Variants in CNTNAP2 observed in about 807,000 individuals in gnomAD.
CNTNAP2 encodes the protein contactin associated protein 2.
Under a neutral mutation model 155.2 loss-of-function variants are expected in CNTNAP2, and 98 were observed. The ratio of observed to expected loss-of-function variants is 0.63; its 90% CI spans 0.54 to 0.75. The LOEUF (loss-of-function observed/expected upper bound fraction) is 0.75. Ranked by LOEUF, CNTNAP2 falls within the 30% of genes least tolerant of loss-of-function variation. CNTNAP2 has a pLI of 0.00. For missense variants in CNTNAP2, 1,727 were observed against 1,688.1 expected (o/e 1.02, Z -0.40); for synonymous variants, 651 against 631.2 (o/e 1.03, Z -0.47).
At chr7:148,394,758 A>T (rs186320686) in intron 22 of CNTNAP2, among the ~76,000 whole-genome samples, 2 of 152,372 alleles carry the variant, frequency 1.3e-5, no homozygotes, top group East Asian at 1.9e-4. Flanking sequence ...TGCATTTCCA[A>T]CAAGCTCCCA....
intron 1 of CNTNAP2, among the ~76,000 whole-genome samples, chr7:146,507,655 A>G (rs1262753314): frequency 2.0e-5 from 3 of 152,152 alleles, no homozygotes; most frequent in Non-Finnish European, 4.4e-5. Flanking sequence ...ATAACTCCCA[A>G]AACTTTGGCA....
chr7:146,940,359 G>C (rs1469528951), intron 3 of CNTNAP2, among the ~76,000 whole-genome samples: 2 of 152,004 alleles, frequency 1.3e-5, no homozygotes, highest in Admixed American at 6.6e-5. Flanking sequence ...ACCACGTCCA[G>C]CTAATTTTTT....
chr7:148,137,729 G>GAAGC (rs1554476321), intron 16 of CNTNAP2, among the ~76,000 whole-genome samples: 12 of 139,502 alleles, frequency 8.6e-5, no homozygotes, highest in African/African-American at 3.0e-4. Context: ...AGGAAGGAAG[G>GAAGC]AAGGAAGGTT....
chr7:148,025,854 A>G (rs1247072744), intron 15 of CNTNAP2, among the ~76,000 whole-genome samples: 1 of 152,218 alleles, frequency 6.6e-6, no homozygotes, highest in Non-Finnish European at 1.5e-5. Context: ...CCTTTTCATA[A>G]AGAGATGTTT....
intron 13 of CNTNAP2, among the ~76,000 whole-genome samples, chr7:147,789,973 G>C (rs1051330085): frequency 6.6e-6 from 1 of 152,186 alleles, no homozygotes; most frequent in African/African-American, 2.4e-5. Flanking sequence ...CTTGCAGAAA[G>C]CCTATTGTGG....
chr7:147,041,382 T>C (rs1584799661), intron 3 of CNTNAP2, among the ~76,000 whole-genome samples: 1 of 152,192 alleles, frequency 6.6e-6, no homozygotes, highest in East Asian at 1.9e-4. Flanking sequence ...AAGTATTTTT[T>C]TTAAGTCCTA....
chr7:146,917,042 A>C (rs554701902), intron 3 of CNTNAP2, among the ~76,000 whole-genome samples: 1 of 152,242 alleles, frequency 6.6e-6, no homozygotes, highest in African/African-American at 2.4e-5. Context: ...AGTTCAAAGA[A>C]ATTTTTAATT....
intron 10 of CNTNAP2, among the ~76,000 whole-genome samples, chr7:147,455,476 A>G (rs941617478): frequency 6.6e-6 from 1 of 152,092 alleles, no homozygotes; most frequent in Admixed American, 6.6e-5. Flanking sequence ...ACCTCATACA[A>G]TTTCCATTCT....
chr7:146,283,022 A>G (rs1322873123), intron 1 of CNTNAP2, among the ~76,000 whole-genome samples: 1 of 152,242 alleles, frequency 6.6e-6, no homozygotes. Context: ...CCTAGCAATT[A>G]TTGTAAGACA....
rs567253467 is a variant in CNTNAP2 at position 148,071,169 on chromosome 7, C to T, written c.2384-46949C>T. Among the ~76,000 whole-genome samples the T allele has an allele frequency of 1.7e-3, 255 of 152,128 alleles. 2 individuals carry two copies. The highest frequency in any genetic ancestry group is 3.1e-3 in the Non-Finnish European group (211 of 68,036). The stretch of plus-strand genomic sequence containing the variant: ...TTATGAGACCAAGTACAAATATCTT[C>T]CTGTCACACATCATCAGGAGAATCT... On this transcript the variant is annotated intron_variant, in intron 15 of 23. Transcript: ENST00000361727.
At chr7:148,168,482 T>C (rs980745704) in intron 17 of CNTNAP2, among the ~76,000 whole-genome samples, 1 of 148,690 alleles carries the variant, frequency 6.7e-6, no homozygotes, top group African/African-American at 2.5e-5. Context: ...AAACACCGCA[T>C]GTTCTCACTC....
intron 1 of CNTNAP2, among the ~76,000 whole-genome samples, chr7:146,184,509 G>A (rs1562981296): frequency 6.6e-6 from 1 of 152,166 alleles, no homozygotes. Context: ...TAAGAGCTAA[G>A]AGAAGAAACA....
intron 9 of CNTNAP2, among the ~76,000 whole-genome samples, chr7:147,334,468 G>A (rs954178717): frequency 1.9e-4 from 29 of 152,118 alleles, no homozygotes; most frequent in African/African-American, 7.0e-4. Flanking sequence ...AACAATAATG[G>A]AGTAACAGGC....
intron 15 of CNTNAP2, among the ~76,000 whole-genome samples, chr7:148,022,952 CA>C (rs1242057710): frequency 2.0e-5 from 3 of 152,176 alleles, no homozygotes; most frequent in African/African-American, 7.2e-5. Flanking sequence ...GCCTGTACAG[CA>C]CCGTTAAATA....
In CNTNAP2 at chr7:147,448,358, T is replaced by C. The variant is rs537033063; in HGVS notation, c.1671-37577T>C. ...GATTTTTAAAATGTTAGCAGTATTT[T>C]TTCCCCAGATTATCTATCTGCATAA... is the stretch of plus-strand genomic sequence containing the variant. On this transcript the variant is annotated intron_variant, in intron 10 of 23. Coordinates refer to ENST00000361727, the MANE Select transcript of CNTNAP2 (RefSeq NM_014141.6). 4.1e-4 allele frequency among the ~76,000 whole-genome samples: 63 copies of C among 152,122 alleles called. 1 individual carries two copies. The highest frequency in any genetic ancestry group is 1.5e-3 in the African/African-American group (62 of 41,538).
chr7:147,717,584 G>GAACTTACACTGCAACTTAT (rs1240066300), intron 13 of CNTNAP2, among the ~76,000 whole-genome samples: 3 of 152,046 alleles, frequency 2.0e-5, no homozygotes, highest in African/African-American at 7.2e-5. Context: ...GTGAGTTATA[G>GAACTTACACTGCAACTTAT]AACTTACACT....
At chr7:147,329,623 G>A (rs1238073119) in intron 9 of CNTNAP2, among the ~76,000 whole-genome samples, 1 of 152,106 alleles carries the variant, frequency 6.6e-6, no homozygotes, top group Non-Finnish European at 1.5e-5. Context: ...GTATGGAGGA[G>A]GGCAGAGGGC....
intron 1 of CNTNAP2, among the ~76,000 whole-genome samples, chr7:146,323,494 T>C (rs1801041745): frequency 6.6e-6 from 1 of 152,100 alleles, no homozygotes; most frequent in Non-Finnish European, 1.5e-5. Context: ...AGGCATGAAA[T>C]GACAAAATCA....
Position 147,274,453 on chromosome 7 carries a change from GC to G in CNTNAP2, c.1349-25686del, listed in dbSNP as rs1368822691. Among the ~76,000 whole-genome samples the G allele has an allele frequency of 2.0e-5, 3 of 151,980 alleles. No individual in the cohort carries two copies. In the East Asian group the frequency reaches 5.8e-4, roughly 29 times the overall value. ...TGAGCACATTTTTATATGTTTATTG[GC>G]CACTTGTATGACTTTTGATAAATGT... is the stretch of plus-strand genomic sequence containing the variant. On this transcript the variant is annotated intron_variant, in intron 8 of 23. Transcript: ENST00000361727.
Sources: allele counts gnomAD v4.1 joint callset (sites outside exome capture counted in the v4.1 genomes callset), GRCh38; gene constraint gnomAD v4.1.1; transcripts MANE v1.5; gene names NCBI Gene and HGNC (gene_info 2026-07-23, HGNC 2026-07-21).